The following RBFA variants were observed in gnomAD, a reference collection of about 807,000 sequenced individuals.
RBFA encodes the protein ribosome binding factor A, also known as putative ribosome-binding factor A, mitochondrial.
In RBFA, 16 loss-of-function variants were observed where a neutral mutation model predicts 27.9. The observed-to-expected ratio is 0.57, with a 90% CI of 0.39 to 0.87. RBFA has a LOEUF of 0.87. Among genes scored for constraint, RBFA ranks in the 40% least tolerant of loss-of-function variants. The pLI is 0.00. For synonymous variants in RBFA, 181 were observed against 181.0 expected, an observed-to-expected ratio of 1.00 and a Z score of 0.00; for missense variants, 456 against 432.1, an observed-to-expected ratio of 1.06 and a Z score of -0.49.
rs1406727992 is a variant in RBFA at position 80,046,013 on chromosome 18, C to T, written c.890C>T (p.Ser297Leu). The T allele has an allele frequency of 6.2e-7, 1 of 1,614,108 alleles. No individual in the cohort carries two copies. Among genetic ancestry groups the T allele is most frequent in the Non-Finnish European group, 8.5e-7 (1 of 1,180,040 alleles). The change falls in exon 7 of 7, where the codon TCA (serine) becomes TTA (leucine). Residue 297 changes from serine (S) to leucine (L), a missense_variant. Transcript: ENST00000306735. ...EQDSSLKSYL[S>L]GEEVEDDLDL... is the part of the protein sequence containing the mutation. ...GACAGCTCCCTCAAGAGTTACCTGTCAGGCGAGGAGGTTGAAGATGACCTG... is the reference window on the plus strand; with the variant it reads ...GACAGCTCCCTCAAGAGTTACCTGTTAGGCGAGGAGGTTGAAGATGACCTG...
intron 4 of RBFA, among the ~76,000 whole-genome samples, chr18:80,040,965 C>T (rs2145146183): frequency 6.6e-6 from 1 of 152,264 alleles, no homozygotes; most frequent in Non-Finnish European, 1.5e-5. Flanking sequence ...AAATCCAAAT[C>T]CAGCTCACTG....
Position 80,045,982 on chromosome 18 carries a change from G to A in RBFA, c.859G>A (p.Glu287Lys). The change falls in exon 7 of 7, where the codon GAG (glutamate) becomes AAG (lysine). Residue 287 changes from glutamate (E) to lysine (K), a missense_variant. Physicochemically the swap from Glu to Lys is moderately conservative, Grantham distance 56. Transcript: ENST00000306735. ...AAGGAAGAGGGCCAAGCCCCGCCTG[G>A]AGCAGGACAGCTCCCTCAAGAGTTA... is the stretch of plus-strand genomic sequence containing the variant. Reference protein sequence around the residue: ...KGRKRAKPRLEQDSSLKSYLS... With the variant: ...KGRKRAKPRLKQDSSLKSYLS... 3 of 1,614,182 alleles carry A rather than the reference G, an allele frequency of 1.9e-6. No individual in the cohort carries two copies. Among genetic ancestry groups the A allele is most frequent in the South Asian group, 2.2e-5 (2 of 91,086 alleles).
intron 6 of RBFA, among the ~76,000 whole-genome samples, chr18:80,045,057 G>A (rs1473262766): frequency 6.6e-6 from 1 of 152,222 alleles, no homozygotes; most frequent in Non-Finnish European, 1.5e-5. Flanking sequence ...TTCCAAAGTG[G>A]AGCCTTGGAG....
Position 80,034,685 on chromosome 18 carries a change from G to C in RBFA, c.158+32G>C, listed in dbSNP as rs751619578. On this transcript the variant is annotated intron_variant, in intron 1 of 6. Transcript: ENST00000306735. ...CGGCGGGGGCGGTGTCCCTGGGCGC[G>C]GTATTCCCTAGGGGGCGGTGTCCCC... is the stretch of plus-strand genomic sequence containing the variant. The C allele has an allele frequency of 5.6e-6, 9 of 1,597,502 alleles. 1 individual carries two copies. The highest frequency in any genetic ancestry group is 3.4e-5 in the South Asian group (3 of 89,038).
At chr18:80,045,228 C>CTTTTTTTT (rs35063027) in intron 6 of RBFA, among the ~76,000 whole-genome samples, 1 of 138,732 alleles carries the variant, frequency 7.2e-6, no homozygotes, top group Non-Finnish European at 1.5e-5. Flanking sequence ...GTTGCAAACG[C>CTTTTTTTT]TTTTTTTTTT....
At position 80,046,973 on chromosome 18, in the gene RBFA, G is replaced by C. The variant is rs1291845971; in HGVS notation, c.*818G>C. 1 of 152,424 alleles carries C rather than the reference G, an allele frequency of 6.6e-6. No homozygotes were observed. The highest frequency in any genetic ancestry group is 2.4e-5 in the African/African-American group (1 of 41,466). 9.4% of individuals were successfully genotyped at this position (152,424 alleles called of 1,614,324 possible). On this transcript the variant is annotated 3_prime_UTR_variant, in exon 7 of 7. Transcript: ENST00000306735. ...ATTCGTTTTGCTGTTTATCAGAAGA[G>C]AAAACACAGATTCCATACCTTGTCA...
intron 5 of RBFA, among the ~76,000 whole-genome samples, chr18:80,043,212 A>G (rs1017101729): frequency 1.3e-5 from 2 of 152,222 alleles, no homozygotes; most frequent in Non-Finnish European, 1.5e-5. Context: ...TCAGTCAAAA[A>G]TCAGCGAATA....
chr18:80,042,259 T>G (rs1373187493), intron 5 of RBFA, 40 bp downstream of exon 5: 17 of 1,368,476 alleles, frequency 1.2e-5, no homozygotes, highest in South Asian at 5.3e-5. Context: ...TTAAAAATTT[T>G]TATTTTTTTA....
rs202047097 is a variant in RBFA, at chr18:80,044,260, G to A, written c.625G>A (p.Asp209Asn). 1 of 1,614,160 alleles carries A rather than the reference G, an allele frequency of 6.2e-7. No homozygotes were observed. Among genetic ancestry groups the A allele is most frequent in the Non-Finnish European group, 8.5e-7 (1 of 1,180,004 alleles). Residue 209 changes from aspartate to asparagine, a missense_variant, in exon 6 of 7, where the codon GAC (aspartate) becomes AAC (asparagine). Physicochemically the swap from Asp to Asn is conservative, Grantham distance 23 (BLOSUM62 1). Coordinates refer to ENST00000306735, the MANE Select transcript of RBFA (RefSeq NM_024805.3). ...VADFGPRDER[D>N]NFVQNDFRDP... is the part of the protein sequence containing the mutation. ...AGACTTTGGACCCCGGGATGAAAGA[G>A]ACAACTTTGTACAAAATGATTTCAG...
chr18:80,037,489 A>T lies in RBFA; in HGVS notation c.361A>T (p.Asn121Tyr). ...PEVSQELYDL[N>Y]VELSKVSLTP... Reference sequence around the variant, plus strand: ...AGTGAGTCAGGAGCTGTATGACCTTAACGTGGAGCTCTCCAAGGTAGGCTG... The same window carrying T: ...AGTGAGTCAGGAGCTGTATGACCTTTACGTGGAGCTCTCCAAGGTAGGCTG... The change falls in exon 3 of 7, where the codon AAC becomes TAC. Residue 121 changes from asparagine to tyrosine, a missense_variant. Transcript: ENST00000306735. 1 of 1,612,502 alleles carries T rather than the reference A, an allele frequency of 6.2e-7. No individual in the cohort carries two copies. The highest frequency in any genetic ancestry group is 8.5e-7 in the Non-Finnish European group (1 of 1,178,688).
intron 2 of RBFA, 72 bp from the exon 3 acceptor site, chr18:80,037,258 C>A: frequency 7.3e-7 from 1 of 1,368,680 alleles, no homozygotes; most frequent in Non-Finnish European, 1.0e-6. Flanking sequence ...CCTCCCCCAG[C>A]CCCTGCTGTG....
At chr18:80,042,703 G>A (rs562107214) in intron 5 of RBFA, among the ~76,000 whole-genome samples, 51 of 151,990 alleles carry the variant, frequency 3.4e-4, no homozygotes, top group Non-Finnish European at 6.0e-4. Context: ...CCGGGAAGGC[G>A]GAGGTTGCAG....
In RBFA at chr18:80,044,304, T is replaced by C. The variant is rs769044193; in HGVS notation, c.650+19T>C. Reference sequence around the variant, plus strand: ...ATTTCAGGTGACGCATGTGGACATATGTTTTGATTCCCTGGGGTACATTCC... The same window carrying C: ...ATTTCAGGTGACGCATGTGGACATACGTTTTGATTCCCTGGGGTACATTCC... On this transcript the variant is annotated intron_variant, in intron 6 of 6. Coordinates refer to ENST00000306735, the MANE Select transcript of RBFA (RefSeq NM_024805.3). 1.2e-5 allele frequency: 19 copies of C among 1,604,142 alleles called. No homozygotes were observed. The highest frequency in any genetic ancestry group is 5.0e-5 in the Admixed American group (3 of 60,004).
At position 80,046,072 on chromosome 18, in the gene RBFA, GC is replaced by G; in HGVS notation, c.953del (p.Pro318ArgfsTer51). 1.2e-6 allele frequency: 2 copies of G among 1,614,164 alleles called. No individual in the cohort carries two copies. Among genetic ancestry groups the G allele is most frequent in the Non-Finnish European group, 1.7e-6 (2 of 1,180,046 alleles). ...LVGAPEYECY[A>X]PDTEELEAER... is the part of the protein sequence containing the mutation. ...TGGTGCCCCGGAGTACGAATGCTAT[GC>G]CCCGGACACAGAGGAGTTGGAGGCA... On this transcript the variant is annotated frameshift_variant, in exon 7 of 7. Transcript: ENST00000306735. LOFTEE classifies it low-confidence loss of function (END_TRUNC).
intron 4 of RBFA, among the ~76,000 whole-genome samples, chr18:80,040,429 G>A (rs1035357134): frequency 2.0e-5 from 3 of 151,782 alleles, no homozygotes; most frequent in African/African-American, 7.3e-5. Flanking sequence ...TGTATTTTTT[G>A]TAGAGATAGG....
chr18:80,044,118 CT>C, intron 5 of RBFA, 93 bp from the exon 6 acceptor site: 2 of 1,002,244 alleles, frequency 2.0e-6, no homozygotes, highest in Non-Finnish European at 1.6e-6. Context: ...ATCAAAAGCT[CT>C]GCAGTCAACA....
intron 3 of RBFA, among the ~76,000 whole-genome samples, chr18:80,038,126 A>G (rs1431395397): frequency 1.3e-5 from 2 of 152,236 alleles, no homozygotes; most frequent in African/African-American, 2.4e-5. Flanking sequence ...CATGTACCTC[A>G]GTACAGAGGT....
At chr18:80,042,583 A>G (rs1037943085) in intron 5 of RBFA, among the ~76,000 whole-genome samples, 5 of 152,134 alleles carry the variant, frequency 3.3e-5, no homozygotes, top group Non-Finnish European at 4.4e-5. Flanking sequence ...AGCCTGGCCA[A>G]TACGGTGAAA....
intron 5 of RBFA, among the ~76,000 whole-genome samples, chr18:80,043,217 C>T (rs533316907): frequency 7.2e-5 from 11 of 152,104 alleles, no homozygotes; most frequent in Non-Finnish European, 1.0e-4. Context: ...CAAAAATCAG[C>T]GAATAGCGTT....
Sources: allele counts gnomAD v4.1 joint callset (sites outside exome capture counted in the v4.1 genomes callset), GRCh38; gene constraint gnomAD v4.1.1; transcripts MANE v1.5; gene names NCBI Gene and HGNC (gene_info 2026-07-23, HGNC 2026-07-21).